The following DERPC variants were observed in gnomAD, a reference collection of about 807,000 sequenced individuals.
The protein encoded by DERPC is decreased expression in renal and prostate cancer protein.
A neutral mutation model predicts 7.2 loss-of-function variants in DERPC; 1 was observed. The observed-to-expected ratio is 0.14, with a 90% CI of 0.05 to 0.66. The LOEUF (loss-of-function observed/expected upper bound fraction) is 0.66, where lower values mean the gene tolerates loss of function less well. DERPC is among the 30% of genes least tolerant of loss of function. The probability of loss-of-function intolerance (pLI) is 0.84; values close to 1 mark genes in which losing one functional copy is unlikely to be tolerated. For missense variants in DERPC, 502 were observed against 299.4 expected, an observed-to-expected ratio of 1.68 and a Z score of -4.99; for synonymous variants, 185 against 117.6, an observed-to-expected ratio of 1.57 and a Z score of -3.71.
At chr16:69,122,802 A>G (rs1217139130) in intron 1 of DERPC, among the ~76,000 whole-genome samples, 1 of 152,036 alleles carries the variant, frequency 6.6e-6, no homozygotes, top group African/African-American at 2.4e-5. Context: ...TTGGCCTCCC[A>G]AAGTGCTGGG....
chr16:69,126,231 T>C (rs1028252555), intron 1 of DERPC, among the ~76,000 whole-genome samples: 4 of 152,230 alleles, frequency 2.6e-5, no homozygotes, highest in Admixed American at 2.6e-4. Flanking sequence ...CAGAGCCTAC[T>C]TCCTGACAAC....
chr16:69,126,188 T>A (rs374455666), intron 1 of DERPC, among the ~76,000 whole-genome samples: 1 of 152,304 alleles, frequency 6.6e-6, no homozygotes, highest in African/African-American at 2.4e-5. Flanking sequence ...AGGTACACGG[T>A]ATATTCTAGG....
chr16:69,125,814 G>A (rs1332135471), intron 1 of DERPC, among the ~76,000 whole-genome samples: 1 of 152,300 alleles, frequency 6.6e-6, no homozygotes, highest in Middle Eastern at 3.4e-3. Context: ...TGTAAGTGTG[G>A]ACCTCTTTAC....
Position 69,120,544 on chromosome 16 carries a change from A to G in DERPC, c.-116T>C. On this transcript the variant is annotated 5_prime_UTR_variant, in exon 3 of 3. Transcript: ENST00000519520. The surrounding 1 kb of genome is among the most constrained non-coding windows in gnomAD (Gnocchi z 4.0). ...CCAGTCTCGCGGCCAAGCTCATCAC[A>G]GTCCTGATCCCCAGGAGTGTGTTTG... is the stretch of plus-strand genomic sequence containing the variant. 6.2e-7 allele frequency: 1 copy of G among 1,614,144 alleles called. No homozygotes were observed. Among genetic ancestry groups the G allele is most frequent in the Non-Finnish European group, 8.5e-7 (1 of 1,180,018 alleles).
chr16:69,130,579 A>T (rs1044486527), intron 1 of DERPC, among the ~76,000 whole-genome samples: 1 of 152,210 alleles, frequency 6.6e-6, no homozygotes, highest in East Asian at 1.9e-4. Flanking sequence ...TGGGTAGTTT[A>T]ACCTCACGTG....
chr16:69,121,073 C>T, intron 2 of DERPC: 1 of 1,614,046 alleles, frequency 6.2e-7, no homozygotes, highest in Non-Finnish European at 8.5e-7. Context: ...TAATGTAGGT[C>T]TCCCAGGAGG....
intron 1 of DERPC, among the ~76,000 whole-genome samples, chr16:69,122,322 A>C (rs1216455575): frequency 6.6e-6 from 1 of 151,928 alleles, no homozygotes; most frequent in East Asian, 1.9e-4. Context: ...TGCAAAGACC[A>C]TACTCTTGCT....
chr16:69,120,763 G>T lies in DERPC; in HGVS notation c.-221-114C>A. ...GCTGGCACCTCCAATCCCTGGTCTG[G>T]CTCTGCCATTGTTGAGCAGCCACAC... On this transcript the variant is annotated intron_variant, in intron 2 of 2. Transcript: ENST00000519520. The surrounding 1 kb of genome is among the most constrained non-coding windows in gnomAD (Gnocchi z 4.0). 2.1e-6 allele frequency: 2 copies of T among 935,880 alleles called. No individual in the cohort carries two copies. Among genetic ancestry groups the T allele is most frequent in the Non-Finnish European group, 1.7e-6 (1 of 605,618 alleles). 58.0% of individuals were successfully genotyped at this position (935,880 alleles called of 1,614,324 possible).
chr16:69,127,291 C>G (rs922224728), intron 1 of DERPC, among the ~76,000 whole-genome samples: 2 of 151,494 alleles, frequency 1.3e-5, no homozygotes, highest in Non-Finnish European at 2.9e-5. Context: ...CCCCCATCCC[C>G]TTGAGAGTAG....
At position 69,118,216 on chromosome 16, in the gene DERPC, G is replaced by A. The variant is rs558377340; in HGVS notation, c.*638C>T. ...TGGGAGTACCAGTGAAGAGGGAGTT[G>A]GATGAGTAGAGGGGCCTTAAATCTG... On this transcript the variant is annotated 3_prime_UTR_variant, in exon 3 of 3. Coordinates refer to ENST00000519520, the MANE Select transcript of DERPC (RefSeq NM_001002847.4). 7 of 493,116 alleles carry A rather than the reference G, an allele frequency of 1.4e-5. No individual in the cohort carries two copies. Among genetic ancestry groups the A allele is most frequent in the Admixed American group, 1.4e-4 (5 of 35,244 alleles). The allele number at this position is 493,116 out of a possible 1,614,324, so 30.5% of individuals were successfully genotyped here. A position where few individuals can be genotyped will look rare whatever the true frequency, so the allele number is the denominator to read the frequency against.
At chr16:69,122,957 G>T (rs1011581270) in intron 1 of DERPC, among the ~76,000 whole-genome samples, 3 of 152,084 alleles carry the variant, frequency 2.0e-5, no homozygotes, top group African/African-American at 7.2e-5. Flanking sequence ...GGGATTACAG[G>T]CATTAGCCAC....
rs1450634415 is a variant in DERPC at position 69,119,332 on chromosome 16, G to T, written c.1097C>A (p.Ala366Glu). ...AGACTGAGAAAAGGCAGATGAACCT[G>T]CTCCCCTGGGAAAGGGATTGGCATT... is the stretch of plus-strand genomic sequence containing the variant. ...GVNANPFPRG[A>E]GSSAFSQSSG... Residue 366 changes from alanine to glutamate, a missense_variant, in exon 3 of 3, where the codon GCA (alanine) becomes GAA (glutamate). Coordinates refer to ENST00000519520, the MANE Select transcript of DERPC (RefSeq NM_001002847.4). 1.4e-6 allele frequency: 1 copy of T among 703,098 alleles called. No individual in the cohort carries two copies. Among genetic ancestry groups the T allele is most frequent in the Non-Finnish European group, 2.6e-6 (1 of 385,036 alleles). 43.6% of individuals were successfully genotyped at this position (703,098 alleles called of 1,614,324 possible).
rs1961384340 is a variant in DERPC at position 69,118,900 on chromosome 16, C to T, written c.1529G>A (p.Gly510Glu). The change falls in exon 3 of 3, where the codon GGG (glycine) becomes GAG (glutamate). Residue 510 changes from glycine (G) to glutamate (E), a missense_variant. Gly to Glu is a moderately conservative substitution (Grantham distance 98). Coordinates refer to ENST00000519520, the MANE Select transcript of DERPC (RefSeq NM_001002847.4). ...TGGGTACATTGCAGCCATTGGACCC[C>T]CTGGTCTGGGGAAAGCAGCTGGGTT... Reference protein sequence around the residue: ...GTNPAAFPRPGGPMAAMYPNG... With the variant: ...GTNPAAFPRPEGPMAAMYPNG... 3.4e-5 allele frequency: 24 copies of T among 703,092 alleles called. No homozygotes were observed. In the East Asian group the frequency reaches 6.4e-4, roughly 19 times the overall value. 43.6% of individuals were successfully genotyped at this position (703,092 alleles called of 1,614,324 possible). A position where few individuals can be genotyped will look rare whatever the true frequency, so the allele number is the denominator to read the frequency against.
intron 1 of DERPC, among the ~76,000 whole-genome samples, chr16:69,123,649 AAATC>A (rs201428860): frequency 3.9e-5 from 6 of 152,134 alleles, no homozygotes; most frequent in East Asian, 1.9e-4. Context: ...CTGTCTCAAA[AAATC>A]AATCAATCAA....
chr16:69,123,937 A>C (rs1177371699), intron 1 of DERPC, among the ~76,000 whole-genome samples: 2 of 139,640 alleles, frequency 1.4e-5, no homozygotes, highest in East Asian at 2.3e-4. Context: ...AAAAAAAAAA[A>C]AAAAAAAAAA....
intron 2 of DERPC, 140 bp downstream of exon 2, chr16:69,121,296 T>C: frequency 8.2e-7 from 1 of 1,223,678 alleles, no homozygotes. Flanking sequence ...AATTGGGCAG[T>C]GCTAGGCATG....
At chr16:69,128,679 TA>T (rs1311219054) in intron 1 of DERPC, among the ~76,000 whole-genome samples, 4 of 152,130 alleles carry the variant, frequency 2.6e-5, no homozygotes, top group Non-Finnish European at 5.9e-5. Context: ...TACCCAAAAC[TA>T]AAAAGCTTTG....
intron 1 of DERPC, among the ~76,000 whole-genome samples, chr16:69,122,381 T>TC (rs1961740194): frequency 6.7e-6 from 1 of 149,224 alleles, no homozygotes; most frequent in South Asian, 2.1e-4. Context: ...TTTTTTTTTT[T>TC]CTTTTTCTTG....
At chr16:69,129,521 C>T (rs1962343375) in intron 1 of DERPC, among the ~76,000 whole-genome samples, 1 of 152,050 alleles carries the variant, frequency 6.6e-6, no homozygotes, top group South Asian at 2.1e-4. Context: ...ACAAGCTAGC[C>T]TCGTTCACTT....
Sources: allele counts gnomAD v4.1 joint callset (sites outside exome capture counted in the v4.1 genomes callset), GRCh38; gene constraint gnomAD v4.1.1; non-coding constraint Gnocchi (gnomAD v3.1); transcripts MANE v1.5; gene names NCBI Gene and HGNC (gene_info 2026-07-23, HGNC 2026-07-21).